Variants in MFSD12 observed in about 807,000 individuals in gnomAD.
MFSD12 encodes the protein major facilitator superfamily domain-containing protein 12.
Under a neutral mutation model 51.2 loss-of-function variants are expected in MFSD12, and 67 were observed. That is an observed-to-expected ratio of 1.31 (90% CI 1.08 to 1.60). The LOEUF (loss-of-function observed/expected upper bound fraction) is 1.60. Among genes scored for constraint, MFSD12 ranks in the 40% most tolerant of loss-of-function variants. MFSD12 has a pLI of 0.00. For missense variants in MFSD12, 921 were observed against 673.0 expected (o/e 1.37, Z -4.08); for synonymous variants, 441 against 316.7 (o/e 1.39, Z -4.17).
Position 3,544,645 on chromosome 19 carries a change from G to A in MFSD12, c.*65C>T. On this transcript the variant is annotated 3_prime_UTR_variant, in exon 10 of 10. Transcript: ENST00000355415. ...GGGGCAGTGGGGGCTTTTCCCCAAG[G>A]CCCTGGGGGGCATCCTCGTGCGTCC... 4 of 1,542,986 alleles carry A rather than the reference G, an allele frequency of 2.6e-6. No individual in the cohort carries two copies. The East Asian group carries it at 9.1e-5, about 35-fold the overall frequency.
At position 3,544,592 on chromosome 19, in the gene MFSD12, T is replaced by C. The variant is rs568680235; in HGVS notation, c.*118A>G. 43 of 1,476,756 alleles carry C rather than the reference T, an allele frequency of 2.9e-5. 2 individuals carry two copies. The African/African-American group carries it at 3.4e-4, about 12-fold the overall frequency. 91.5% of individuals were successfully genotyped at this position (1,476,756 alleles called of 1,614,324 possible). A position where few individuals can be genotyped will look rare whatever the true frequency, so the allele number is the denominator to read the frequency against. On this transcript the variant is annotated 3_prime_UTR_variant, in exon 10 of 10. Transcript: ENST00000355415. ...CCCACCCCCGGGAGCTGGGTGAGGATGGAGGGTGGGGGTCCAGAGAAGAGT... is the reference window on the plus strand; with the variant it reads ...CCCACCCCCGGGAGCTGGGTGAGGACGGAGGGTGGGGGTCCAGAGAAGAGT...
intron 6 of MFSD12, 97 bp from the exon 7 acceptor site, chr19:3,546,522 G>A (rs2031070359): frequency 2.1e-6 from 3 of 1,406,930 alleles, no homozygotes; most frequent in South Asian, 2.8e-5. Flanking sequence ...AGCAAACAAG[G>A]CATGAGCTGG....
At chr19:3,549,504 A>G (rs2031332384) in intron 2 of MFSD12, among the ~76,000 whole-genome samples, 4 of 150,788 alleles carry the variant, frequency 2.7e-5, no homozygotes, top group Admixed American at 6.6e-5. Context: ...CAGGCAGATC[A>G]CTGAGGTCAG....
chr19:3,539,884 C>T (rs1311518104), downstream of MFSD12: 1 of 152,194 alleles, frequency 6.6e-6, no homozygotes, highest in African/African-American at 2.4e-5. Context: ...ATTGTTTAAA[C>T]AATTATGGAA....
intron 8 of MFSD12, among the ~76,000 whole-genome samples, chr19:3,545,485 C>T (rs1253254881): frequency 1.3e-5 from 2 of 152,256 alleles, no homozygotes; most frequent in African/African-American, 2.4e-5. Flanking sequence ...AGGGCTTTGG[C>T]ACTACTTGTC....
At chr19:3,543,361 G>T (rs377153853), downstream of MFSD12, 1 of 1,549,376 alleles carries the variant, frequency 6.5e-7, no homozygotes, top group Non-Finnish European at 8.7e-7. Context: ...TGACCAACTC[G>T]GACGCCTGGG....
Position 3,550,991 on chromosome 19 carries a change from C to T in MFSD12, c.502G>A (p.Ala168Thr). 6.2e-7 allele frequency: 1 copy of T among 1,611,132 alleles called. No individual in the cohort carries two copies. Among genetic ancestry groups the T allele is most frequent in the Non-Finnish European group, 8.5e-7 (1 of 1,179,602 alleles). Residue 168 changes from alanine to threonine, a missense_variant, in exon 2 of 10, where the codon GCA becomes ACA. Transcript: ENST00000355415. ...TNDHEKVELTALRYAFTVVAN... is the reference protein window; with the variant it reads ...TNDHEKVELTTLRYAFTVVAN... ...GGGTGCCCAGGCTCCCACCTGAGTG[C>T]CGTGAGCTCCACCTTCTCATGGTCG...
In MFSD12 at chr19:3,557,207, T is replaced by C; in HGVS notation, c.197A>G (p.Gln66Arg). ...CGGTGTGCACAGCCCGTCGGCCACC[T>C]GGCCCAGCAGCAGCAGCAGCCCCGC... The part of the protein sequence containing the change: ...RGAGLLLLLG[Q>R]VADGLCTPLV... The change falls in exon 1 of 10, where the codon CAG (glutamine) becomes CGG (arginine). Residue 66 changes from glutamine (Q) to arginine (R), a missense_variant. Gln to Arg is a conservative substitution (Grantham distance 43). Transcript: ENST00000355415. 1.3e-6 allele frequency: 2 copies of C among 1,578,076 alleles called. No individual in the cohort carries two copies. Among genetic ancestry groups the C allele is most frequent in the Non-Finnish European group, 1.7e-6 (2 of 1,164,792 alleles).
chr19:3,547,385 A>G, intron 5 of MFSD12, 21 bp from the exon 6 acceptor site: 1 of 1,612,608 alleles, frequency 6.2e-7, no homozygotes, highest in Non-Finnish European at 8.5e-7. Context: ...AGAGCCAGGC[A>G]TGCCGTGTCA....
chr19:3,542,120 T>G, downstream of MFSD12: 3 of 985,402 alleles, frequency 3.0e-6, no homozygotes, highest in Non-Finnish European at 3.6e-6. Flanking sequence ...AATTTTGTGC[T>G]GTTTTAATTG....
downstream of MFSD12, among the ~76,000 whole-genome samples, chr19:3,541,393 G>A (rs1205338809): frequency 1.3e-5 from 2 of 150,860 alleles, no homozygotes; most frequent in East Asian, 4.0e-4. Context: ...AATGATCTCA[G>A]CTCACTGCAA....
intron 6 of MFSD12, 79 bp from the exon 7 acceptor site, chr19:3,546,504 C>T (rs78952285): frequency 0.068 from 100,481 of 1,478,370 alleles, 3,868 homozygotes; most frequent in Middle Eastern, 0.11. Context: ...ACCCCTACCC[C>T]CAACCCCAGC....
In MFSD12 at chr19:3,546,066, G is replaced by C. The variant is rs758247847; in HGVS notation, c.1289+8C>G. 2.1e-4 allele frequency: 336 copies of C among 1,612,626 alleles called. No individual in the cohort carries two copies. Among genetic ancestry groups the C allele is most frequent in the Non-Finnish European group, 2.8e-4 (327 of 1,179,486 alleles). On this transcript the variant is annotated splice_region_variant and intron_variant, in intron 8 of 9. Transcript: ENST00000355415. ...CAAAAGAATGAATGAACGAACAGCG[G>C]CACTCACGGGCAAGGGTGCAGGCTC... is the stretch of plus-strand genomic sequence containing the variant.
rs2030773789 is a variant in MFSD12, at chr19:3,544,525, C to G, written c.*185G>C. On this transcript the variant is annotated 3_prime_UTR_variant, in exon 10 of 10. Transcript: ENST00000355415. The stretch of plus-strand genomic sequence containing the variant: ...GGACACCCTCAAAACCCAGGGGGTC[C>G]TTGCAAGTCCCTGGCGGGCATCCCT... The G allele has an allele frequency of 7.1e-7, 1 of 1,405,464 alleles. No individual in the cohort carries two copies. The highest frequency in any genetic ancestry group is 9.2e-7 in the Non-Finnish European group (1 of 1,082,298). The allele number at this position is 1,405,464 out of a possible 1,614,324, so 87.1% of individuals were successfully genotyped here. A position where few individuals can be genotyped will look rare whatever the true frequency, so the allele number is the denominator to read the frequency against.
intron 1 of MFSD12, among the ~76,000 whole-genome samples, chr19:3,552,754 G>A (rs561614193): frequency 2.8e-4 from 43 of 152,238 alleles, no homozygotes; most frequent in Middle Eastern, 6.8e-3. Flanking sequence ...CAAAGTGCTC[G>A]GATTACAGAC....
chr19:3,555,404 A>G (rs1280591174), intron 1 of MFSD12, among the ~76,000 whole-genome samples: 2 of 152,080 alleles, frequency 1.3e-5, no homozygotes, highest in Admixed American at 1.3e-4. Context: ...CGGCCCGCCC[A>G]GAAATTATCT....
At chr19:3,548,496 G>A (rs781376868) in intron 2 of MFSD12, among the ~76,000 whole-genome samples, 3 of 152,196 alleles carry the variant, frequency 2.0e-5, no homozygotes, top group Admixed American at 6.5e-5. Flanking sequence ...TTCGTGCCCA[G>A]GACCAGGGTA....
intron 2 of MFSD12, among the ~76,000 whole-genome samples, chr19:3,549,067 C>G (rs1034455097): frequency 1.3e-5 from 2 of 152,318 alleles, no homozygotes; most frequent in Admixed American, 1.3e-4. Flanking sequence ...AGAGTTCCCA[C>G]CTCCCAGCTC....
intron 4 of MFSD12, 43 bp downstream of exon 4, chr19:3,547,805 G>T (rs1211866026): frequency 2.1e-6 from 3 of 1,459,762 alleles, no homozygotes; most frequent in Non-Finnish European, 2.7e-6. Context: ...CCCTGTGGGT[G>T]GGAGAGAAGG....
Sources: gnomAD v4.1 joint callset for allele counts (sites outside exome capture counted in the v4.1 genomes callset) on GRCh38, gnomAD v4.1.1 for gene constraint, MANE v1.5 for transcripts, NCBI Gene and HGNC (gene_info 2026-07-23, HGNC 2026-07-21) for gene names.